Variants in ROCK2 observed in about 807,000 individuals in gnomAD.
ROCK2 encodes the protein Rho associated coiled-coil containing protein kinase 2.
Under a neutral mutation model 195.1 loss-of-function variants are expected in ROCK2, and 61 were observed. That is an observed-to-expected ratio of 0.31 (90% CI 0.25 to 0.39). ROCK2 has a LOEUF of 0.39. Among genes scored for constraint, ROCK2 ranks in the 10% least tolerant of loss-of-function variants. The pLI is 1.00. For synonymous variants in ROCK2, 504 were observed against 545.5 expected (o/e 0.92, Z 1.06); for missense variants, 1,109 against 1,637.4 (o/e 0.68, Z 5.57).
intron 1 of ROCK2, among the ~76,000 whole-genome samples, chr2:11,296,004 A>AGAGAGAGGGGAGAGGG (rs1667514504): frequency 6.1e-5 from 2 of 32,824 alleles, no homozygotes; most frequent in African/African-American, 1.0e-4. Flanking sequence ...AGAGAGAGAG[A>AGAGAGAGGGGAGAGGG]GGAGAGAGAG....
chr2:11,240,812 T>G (rs1039937772), intron 4 of ROCK2, among the ~76,000 whole-genome samples: 4 of 152,238 alleles, frequency 2.6e-5, no homozygotes, highest in Non-Finnish European at 5.9e-5. Flanking sequence ...TACAAAGGTA[T>G]AAAAAGTTGC....
intron 13 of ROCK2, 80 bp from the exon 14 acceptor site, chr2:11,215,725 C>G: frequency 8.2e-7 from 1 of 1,213,250 alleles, no homozygotes; most frequent in Non-Finnish European, 1.1e-6. Flanking sequence ...CTATTCCAAA[C>G]AGATAAAAAA....
intron 1 of ROCK2, among the ~76,000 whole-genome samples, chr2:11,336,879 CT>C (rs1462189840): frequency 6.6e-6 from 1 of 152,142 alleles, no homozygotes; most frequent in Non-Finnish European, 1.5e-5. Flanking sequence ...AGGAGAATAT[CT>C]TCACGACATG....
chr2:11,191,617 TTCTA>T (rs1197316483), intron 32 of ROCK2, among the ~76,000 whole-genome samples: 1 of 152,222 alleles, frequency 6.6e-6, no homozygotes. Flanking sequence ...ACAATGTTAA[TTCTA>T]TCTTTTAAGT....
intron 3 of ROCK2, among the ~76,000 whole-genome samples, chr2:11,265,703 C>G (rs1267112505): frequency 6.6e-6 from 1 of 152,078 alleles, no homozygotes; most frequent in Non-Finnish European, 1.5e-5. Context: ...AATGAGAATG[C>G]ATTCATATAT....
In ROCK2 at chr2:11,197,409, T is replaced by G. The variant is rs1663682710; in HGVS notation, c.3280-61A>C. On this transcript the variant is annotated intron_variant, in intron 26 of 32. Coordinates refer to ENST00000315872, the MANE Select transcript of ROCK2 (RefSeq NM_004850.5). This position sits in a 1 kb window ranked among gnomAD's most constrained non-coding sequence, Gnocchi z 4.9. Reference sequence around the variant, plus strand: ...GCAACATAACTCAACATTTTGCTTCTTGGTTCAATAATAATTATTAAATAG... The same window carrying G: ...GCAACATAACTCAACATTTTGCTTCGTGGTTCAATAATAATTATTAAATAG... 3 of 1,552,598 alleles carry G rather than the reference T, an allele frequency of 1.9e-6. No homozygotes were observed. The highest frequency in any genetic ancestry group is 3.6e-5 in the Admixed American group (2 of 55,148).
intron 3 of ROCK2, among the ~76,000 whole-genome samples, chr2:11,271,684 G>C (rs1666633519): frequency 6.6e-6 from 1 of 152,120 alleles, no homozygotes. Flanking sequence ...ATACTCAAGG[G>C]GTATGGTGCT....
intron 20 of ROCK2, among the ~76,000 whole-genome samples, chr2:11,203,291 T>C (rs1663930671): frequency 6.6e-6 from 1 of 152,150 alleles, no homozygotes; most frequent in African/African-American, 2.4e-5. Flanking sequence ...TTGTATGATA[T>C]AATTTAAAAA....
At chr2:11,214,651 A>G (rs1230275988) in intron 16 of ROCK2, among the ~76,000 whole-genome samples, 188 bp from the exon 17 acceptor site, 1 of 152,246 alleles carries the variant, frequency 6.6e-6, no homozygotes, top group Non-Finnish European at 1.5e-5. Flanking sequence ...AGAGTTTAAT[A>G]CTTAAAATCA....
intron 1 of ROCK2, among the ~76,000 whole-genome samples, chr2:11,303,967 A>G (rs975011614): frequency 6.6e-6 from 1 of 152,150 alleles, no homozygotes; most frequent in Non-Finnish European, 1.5e-5. Context: ...AAAACTTGAA[A>G]ACTTTTTCTA....
chr2:11,241,326 A>C (rs370816483), intron 4 of ROCK2, among the ~76,000 whole-genome samples: 1 of 152,174 alleles, frequency 6.6e-6, no homozygotes, highest in Non-Finnish European at 1.5e-5. Flanking sequence ...GGTGGGAAAA[A>C]GAGTATCAGT....
At chr2:11,312,829 C>T (rs1000009014) in intron 1 of ROCK2, among the ~76,000 whole-genome samples, 2 of 151,934 alleles carry the variant, frequency 1.3e-5, no homozygotes, top group Non-Finnish European at 1.5e-5. Context: ...AAGACATGAA[C>T]GAAACTTAAA....
intron 10 of ROCK2, 33 bp downstream of exon 10, chr2:11,218,932 TA>T: frequency 8.1e-7 from 1 of 1,236,610 alleles, no homozygotes; most frequent in Non-Finnish European, 1.1e-6. Flanking sequence ...AACATGAAAC[TA>T]AAATAACTAC....
intron 1 of ROCK2, among the ~76,000 whole-genome samples, chr2:11,321,764 G>A (rs1668406875): frequency 6.6e-6 from 1 of 152,026 alleles, no homozygotes; most frequent in South Asian, 2.1e-4. Context: ...TTCATTCTTT[G>A]AAGCATCTTC....
At chr2:11,343,713 G>C (rs1278276114) in intron 1 of ROCK2, among the ~76,000 whole-genome samples, 2 of 152,194 alleles carry the variant, frequency 1.3e-5, no homozygotes, top group African/African-American at 4.8e-5. Flanking sequence ...AGAGTGGGCA[G>C]GCGGAAGGAG....
intron 3 of ROCK2, among the ~76,000 whole-genome samples, chr2:11,277,314 T>C (rs1441702177): frequency 6.6e-6 from 1 of 152,218 alleles, no homozygotes; most frequent in Non-Finnish European, 1.5e-5. Flanking sequence ...CACAACCTTC[T>C]GGCAACCACC....
At chr2:11,330,740 GGGAGGAGGGAGGAGGA>G (rs1668695016) in intron 1 of ROCK2, among the ~76,000 whole-genome samples, 1 of 43,260 alleles carries the variant, frequency 2.3e-5, no homozygotes, top group Non-Finnish European at 4.7e-5. Context: ...AAGATGAGGA[GGGAGGAGGGAGGAGGA>G]GGAGGGAGGA....
At chr2:11,202,405 A>G (rs543655305) in intron 20 of ROCK2, among the ~76,000 whole-genome samples, 2 of 152,170 alleles carry the variant, frequency 1.3e-5, no homozygotes, top group African/African-American at 4.8e-5. Flanking sequence ...AAGTTTTCTC[A>G]GTTTTAATTT....
intron 3 of ROCK2, among the ~76,000 whole-genome samples, chr2:11,272,959 AT>A (rs1342114117): frequency 2.0e-5 from 3 of 151,656 alleles, no homozygotes; most frequent in African/African-American, 7.3e-5. Flanking sequence ...TAAGTTTAGG[AT>A]GTTAAATGTA....
Sources: allele counts gnomAD v4.1 joint callset (sites outside exome capture counted in the v4.1 genomes callset), GRCh38; gene constraint gnomAD v4.1.1; non-coding constraint Gnocchi (gnomAD v3.1); transcripts MANE v1.5; gene names NCBI Gene and HGNC (gene_info 2026-07-23, HGNC 2026-07-21).